The following ZNF732 variants were observed in gnomAD, a reference collection of about 807,000 sequenced individuals.
ZNF732 encodes the protein zinc finger protein 732, also known as zinc finger protein LOC654254.
ZNF732 carries 12 observed loss-of-function variants against 11.5 expected under a neutral mutation model. The ratio of observed to expected loss-of-function variants is 1.05; its 90% confidence interval spans 0.67 to 1.70. The LOEUF is 1.70. ZNF732 is among the 40% of genes most tolerant of loss of function. The probability of loss-of-function intolerance (pLI) is 0.00; values close to 1 mark genes in which losing one functional copy is unlikely to be tolerated. For missense variants in ZNF732, 702 were observed against 676.9 expected (o/e 1.04, Z -0.41); for synonymous variants, 231 against 236.5 (o/e 0.98, Z 0.21).
In ZNF732 at chr4:280,975, T is replaced by A. The variant is rs782220981; in HGVS notation, c.227-8345A>T. On this transcript the variant is annotated intron_variant, in intron 3 of 3. Coordinates refer to ENST00000419098, the MANE Select transcript of ZNF732 (RefSeq NM_001137608.3). ...GCCCAGACACCCACAGAGAGAAACATCCATCTGTGCCCGAATGTAGGCTTG... is the reference window on the plus strand; with the variant it reads ...GCCCAGACACCCACAGAGAGAAACAACCATCTGTGCCCGAATGTAGGCTTG... Among the ~76,000 whole-genome samples the A allele has an allele frequency of 1.1e-4, 17 of 152,242 alleles. 1 individual carries two copies. The highest frequency in any genetic ancestry group is 1.0e-3 in the Admixed American group (16 of 15,302).
chr4:299,672 TTTATATACATAA>T (rs1394355311), intron 1 of ZNF732, among the ~76,000 whole-genome samples: 34 of 143,624 alleles, frequency 2.4e-4, no homozygotes, highest in African/African-American at 7.1e-4. Flanking sequence ...ATATATAATT[TTTATATACATAA>T]ATATATATAC....
At chr4:303,012 C>G (rs1171132201) in intron 1 of ZNF732, among the ~76,000 whole-genome samples, 1 of 152,138 alleles carries the variant, frequency 6.6e-6, no homozygotes, top group Non-Finnish European at 1.5e-5. Context: ...CAAGCTGACT[C>G]CCAGCACATC....
At chr4:286,451 ATAT>A (rs1719734344) in intron 3 of ZNF732, among the ~76,000 whole-genome samples, 1 of 152,236 alleles carries the variant, frequency 6.6e-6, no homozygotes, top group African/African-American at 2.4e-5. Flanking sequence ...ATACAAATAA[ATAT>A]TATTCAGCTT....
intron 3 of ZNF732, 125 bp from the exon 4 acceptor site, chr4:272,755 A>T: frequency 4.4e-6 from 4 of 913,542 alleles, no homozygotes; most frequent in Non-Finnish European, 6.1e-6. Context: ...ACAGGCCATA[A>T]TTTCTTCACA....
chr4:304,051 C>A (rs1284268633), intron 1 of ZNF732, among the ~76,000 whole-genome samples: 2 of 152,138 alleles, frequency 1.3e-5, no homozygotes, highest in Non-Finnish European at 2.9e-5. Context: ...CAGGTTCCTG[C>A]TATAGATCCA....
At position 274,244 on chromosome 4, in the gene ZNF732, A is replaced by G. The variant is rs549853581; in HGVS notation, c.227-1614T>C. 6.6e-5 allele frequency among the ~76,000 whole-genome samples: 10 copies of G among 151,870 alleles called. No homozygotes were observed. In the South Asian group the frequency reaches 1.9e-3, roughly 28 times the overall value. On this transcript the variant is annotated intron_variant, in intron 3 of 3. Coordinates refer to ENST00000419098, the MANE Select transcript of ZNF732 (RefSeq NM_001137608.3). Reference sequence around the variant, plus strand: ...AACAACAATATGATTACTGACATCAATAATGAAGTTGAGGGCAGATGTAAT... The same window carrying G: ...AACAACAATATGATTACTGACATCAGTAATGAAGTTGAGGGCAGATGTAAT...
Position 295,424 on chromosome 4 carries a change from T to A in ZNF732, c.226+14A>T. The A allele has an allele frequency of 1.9e-6, 3 of 1,594,050 alleles. No homozygotes were observed. The highest frequency in any genetic ancestry group is 2.6e-6 in the Non-Finnish European group (3 of 1,169,308). On this transcript the variant is annotated intron_variant, in intron 3 of 3. Transcript: ENST00000419098. ...CCCTGGCCTGTGTCCTCTCCTTCATTCACTGTCACCTACCTGGGTGTTTGG... is the reference window on the plus strand; with the variant it reads ...CCCTGGCCTGTGTCCTCTCCTTCATACACTGTCACCTACCTGGGTGTTTGG...
At chr4:302,577 T>A (rs191829799) in intron 1 of ZNF732, among the ~76,000 whole-genome samples, 1 of 152,330 alleles carries the variant, frequency 6.6e-6, no homozygotes, top group Non-Finnish European at 1.5e-5. Flanking sequence ...AGGTACCTGC[T>A]GAAGGCAGCC....
In ZNF732 at chr4:271,707, G is replaced by GA. The variant is rs782452335; in HGVS notation, c.1149dup (p.His384SerfsTer10). On this transcript the variant is annotated frameshift_variant, in exon 4 of 4. Transcript: ENST00000419098. LOFTEE classifies it low-confidence loss of function (END_TRUNC). ...CATGTGTAGGGTTTCTCTCCAGTAT[G>GA]AATACTCTTATGTTTATTAAGGGTT... 1 of 1,612,768 alleles carries GA rather than the reference G, an allele frequency of 6.2e-7. No individual in the cohort carries two copies. The highest frequency in any genetic ancestry group is 8.5e-7 in the Non-Finnish European group (1 of 1,179,282).
rs576046745 is a variant in ZNF732 at position 287,736 on chromosome 4, C to T, written c.226+7702G>A. Among the ~76,000 whole-genome samples the T allele has an allele frequency of 5.6e-4, 85 of 152,076 alleles. No individual in the cohort carries two copies. In the South Asian group the frequency reaches 0.015, roughly 26 times the overall value. ...TTGGCTCACTGCAAGCTCCGCCTCC[C>T]GGTTTCACACCATTCTCCTGCCTCA... On this transcript the variant is annotated intron_variant, in intron 3 of 3. Transcript: ENST00000419098.
intron 3 of ZNF732, among the ~76,000 whole-genome samples, chr4:288,007 T>C (rs1553840854): frequency 6.6e-6 from 1 of 152,130 alleles, no homozygotes; most frequent in Non-Finnish European, 1.5e-5. Flanking sequence ...CTTATTGTGG[T>C]TTTGCCTTAC....
At position 300,469 on chromosome 4, in the gene ZNF732, A is replaced by AAG. The variant is rs1235394545; in HGVS notation, c.4-4315_4-4314insCT. ...GACTCTGTCTCAAAAAAAAAAAAAA[A>AAG]AAAAAGAAAAGAAAAGAAAAAATTA... is the stretch of plus-strand genomic sequence containing the variant. On this transcript the variant is annotated intron_variant, in intron 1 of 3. Transcript: ENST00000419098. Among the ~76,000 whole-genome samples the AAG allele has an allele frequency of 3.2e-3, 483 of 151,352 alleles. 1 individual carries two copies. The highest frequency in any genetic ancestry group is 8.3e-3 in the South Asian group (40 of 4,798).
chr4:277,411 A>G (rs575498611), intron 3 of ZNF732, among the ~76,000 whole-genome samples: 2 of 152,098 alleles, frequency 1.3e-5, no homozygotes, highest in Non-Finnish European at 2.9e-5. Context: ...AATTTACAGT[A>G]TAACAAACTT....
chr4:276,206 A>G (rs573711856), intron 3 of ZNF732, among the ~76,000 whole-genome samples: 2 of 151,938 alleles, frequency 1.3e-5, no homozygotes, highest in South Asian at 4.1e-4. Context: ...ATTGTTACAC[A>G]CAAACAAAAT....
intron 3 of ZNF732, among the ~76,000 whole-genome samples, chr4:287,688 G>A (rs1485688612): frequency 1.3e-5 from 2 of 151,410 alleles, no homozygotes; most frequent in Non-Finnish European, 2.9e-5. Context: ...TGTCACCCCA[G>A]GCTGGAGTGC....
rs1553837806 is a variant in ZNF732, at chr4:272,158, G to C, written c.699C>G (p.Thr233=). The change falls in exon 4 of 4, where the codon ACC becomes ACG. Residue 233 remains threonine (T), a synonymous_variant. Coordinates refer to ENST00000419098, the MANE Select transcript of ZNF732 (RefSeq NM_001137608.3). ...TATGTTTAGCAAAGTTTGAGGATGT[G>C]GTAAAGATGTTGCCACATTCTTCAC... ...FTCEECGNIF[T]TSSNFAKHKV... is the part of the protein sequence containing the mutation. 6.2e-7 allele frequency: 1 copy of C among 1,610,152 alleles called. No individual in the cohort carries two copies. Among genetic ancestry groups the C allele is most frequent in the East Asian group, 2.2e-5 (1 of 44,518 alleles).
intron 3 of ZNF732, among the ~76,000 whole-genome samples, chr4:275,935 C>G (rs1553838608): frequency 2.0e-5 from 3 of 151,560 alleles, no homozygotes. Flanking sequence ...TGAGTGTTAG[C>G]TTTGCAAGAT....
At chr4:277,798 T>A (rs1380276105) in intron 3 of ZNF732, among the ~76,000 whole-genome samples, 2 of 151,884 alleles carry the variant, frequency 1.3e-5, no homozygotes, top group African/African-American at 4.8e-5. Flanking sequence ...ACAAAAAAAA[T>A]TCAAATTGCT....
At chr4:294,325 C>T (rs781876013) in intron 3 of ZNF732, among the ~76,000 whole-genome samples, 2 of 152,170 alleles carry the variant, frequency 1.3e-5, no homozygotes, top group African/African-American at 2.4e-5. Flanking sequence ...TAAAATGATA[C>T]GTTGCTTCAC....
Sources: gnomAD v4.1 joint callset for allele counts (sites outside exome capture counted in the v4.1 genomes callset) on GRCh38, gnomAD v4.1.1 for gene constraint, MANE v1.5 for transcripts, NCBI Gene and HGNC (gene_info 2026-07-23, HGNC 2026-07-21) for gene names.